IL1RAPL1: variants seen among roughly 807,000 people sequenced by gnomAD.
IL1RAPL1 encodes the protein interleukin-1 receptor accessory protein-like 1.
In IL1RAPL1, 3 loss-of-function variants were observed where a neutral mutation model predicts 48.4. That is an observed-to-expected ratio of 0.06 (90% CI 0.03 to 0.16). IL1RAPL1 has a LOEUF of 0.16. IL1RAPL1 is among the 10% of genes least tolerant of loss of function. IL1RAPL1 has a pLI of 1.00. For synonymous variants in IL1RAPL1, 185 were observed against 187.7 expected (o/e 0.99, Z 0.12); for missense variants, 349 against 530.6 (o/e 0.66, Z 3.36).
intron 6 of IL1RAPL1, among the ~76,000 whole-genome samples, chrX:29,797,037 T>C: frequency 8.9e-6 from 1 of 112,873 alleles, no homozygotes; most frequent in Non-Finnish European, 1.9e-5. Context: ...TTTTCTTAAG[T>C]AGCTCAGCAA....
Position 29,723,349 on chromosome X carries a change from A to G in IL1RAPL1, c.778+54845A>G, listed in dbSNP as rs186578614. On this transcript the variant is annotated intron_variant, in intron 6 of 10. Coordinates refer to ENST00000378993, the MANE Select transcript of IL1RAPL1 (RefSeq NM_014271.4). ...CTGCAACCTGTGCCTCCCGGGCTCA[A>G]GTGATTCTCGTGCCTCAGCCTCCCA... 1.6e-3 allele frequency among the ~76,000 whole-genome samples: 180 copies of G among 112,209 alleles called. 2 individuals carry two copies. Among genetic ancestry groups the G allele is most frequent in the African/African-American group, 5.5e-3 (171 of 30,889 alleles).
intron 5 of IL1RAPL1, among the ~76,000 whole-genome samples, chrX:29,452,000 TGTC>T (rs1281388811): frequency 1.2e-4 from 13 of 111,230 alleles, no homozygotes; most frequent in Admixed American, 2.9e-4. Flanking sequence ...AAGAAACACT[TGTC>T]GTGGAAAAAG....
At chrX:29,133,003 CTT>C (rs1483073778) in intron 2 of IL1RAPL1, among the ~76,000 whole-genome samples, 2 of 111,222 alleles carry the variant, frequency 1.8e-5, no homozygotes, top group Non-Finnish European at 3.8e-5. Flanking sequence ...TCAGTTGTCT[CTT>C]TCTTTCATGC....
intron 2 of IL1RAPL1, among the ~76,000 whole-genome samples, chrX:29,007,563 G>GT (rs1009091583): frequency 8.9e-6 from 1 of 111,764 alleles, no homozygotes; most frequent in Non-Finnish European, 1.9e-5. Flanking sequence ...CATGAGTTCA[G>GT]TTTTTTGGAA....
intron 5 of IL1RAPL1, among the ~76,000 whole-genome samples, chrX:29,406,389 A>C (rs969343237): frequency 6.3e-5 from 3 of 47,600 alleles, no homozygotes; most frequent in Non-Finnish European, 1.8e-4. Flanking sequence ...ACTCTGTCTC[A>C]AAAAAAAAAA....
At chrX:29,130,418 C>T (rs772220960) in intron 2 of IL1RAPL1, among the ~76,000 whole-genome samples, 23 of 112,010 alleles carry the variant, frequency 2.1e-4, no homozygotes, top group Non-Finnish European at 3.8e-4. Context: ...TAAGTCAAGA[C>T]ATTTTAACTT....
At chrX:29,340,454 T>C (rs937447065) in intron 3 of IL1RAPL1, among the ~76,000 whole-genome samples, 1 of 112,400 alleles carries the variant, frequency 8.9e-6, no homozygotes, top group Admixed American at 9.5e-5. Flanking sequence ...ACTTTTTGTG[T>C]CTGGCTTCTT....
intron 2 of IL1RAPL1, among the ~76,000 whole-genome samples, chrX:29,045,931 C>CT (rs1292943661): frequency 6.4e-5 from 3 of 46,937 alleles, no homozygotes; most frequent in African/African-American, 5.5e-4. Flanking sequence ...CCTCCTCCTC[C>CT]TCCTCCTTCT....
chrX:29,609,612 G>A (rs1924027945), intron 5 of IL1RAPL1, among the ~76,000 whole-genome samples: 3 of 112,280 alleles, frequency 2.7e-5, no homozygotes, highest in Admixed American at 9.5e-5. Flanking sequence ...GGCTTTTAGT[G>A]TAAACCAGTT....
rs757136241 is a variant in IL1RAPL1 at position 29,884,333 on chromosome X, C to G, written c.779-33131C>G. Among the ~76,000 whole-genome samples, 8 of 110,897 alleles carry G rather than the reference C, an allele frequency of 7.2e-5. No individual in the cohort carries two copies. In the East Asian group the frequency reaches 2.0e-3, roughly 28 times the overall value. The stretch of plus-strand genomic sequence containing the variant: ...GGTGTTCAATTTAATAGTTAATGTG[C>G]CATCCTCATCTTACTTGCCCCGAGA... On this transcript the variant is annotated intron_variant, in intron 6 of 10. Coordinates refer to ENST00000378993, the MANE Select transcript of IL1RAPL1 (RefSeq NM_014271.4).
intron 2 of IL1RAPL1, among the ~76,000 whole-genome samples, chrX:28,979,230 A>G (rs1304321477): frequency 1.8e-5 from 2 of 112,069 alleles, no homozygotes; most frequent in Middle Eastern, 4.6e-3. Context: ...ATCTTCAGGT[A>G]GTGAGGGAAT....
At chrX:29,635,806 A>C (rs956246151) in intron 5 of IL1RAPL1, among the ~76,000 whole-genome samples, 2 of 109,981 alleles carry the variant, frequency 1.8e-5, no homozygotes, top group African/African-American at 6.6e-5. Context: ...AAAAAAAAAA[A>C]AACCCAAAAA....
intron 6 of IL1RAPL1, among the ~76,000 whole-genome samples, chrX:29,741,766 C>A (rs1486070811): frequency 1.9e-5 from 2 of 107,353 alleles, no homozygotes; most frequent in African/African-American, 3.4e-5. Context: ...ACTAAAAATA[C>A]AAAAATTAGC....
intron 2 of IL1RAPL1, among the ~76,000 whole-genome samples, chrX:28,837,682 CTTTTTTTTT>C (rs58666924): frequency 1.6e-4 from 6 of 37,249 alleles, no homozygotes; most frequent in Middle Eastern, 0.018. Context: ...CATTCCACTT[CTTTTTTTTT>C]TTTTTTTTTT....
intron 2 of IL1RAPL1, among the ~76,000 whole-genome samples, chrX:29,173,704 A>G (rs1929951985): frequency 8.9e-6 from 1 of 111,805 alleles, no homozygotes; most frequent in Non-Finnish European, 1.9e-5. Flanking sequence ...TGCTACTTCC[A>G]TAGAGTAAGA....
At chrX:29,128,248 A>G (rs961407150) in intron 2 of IL1RAPL1, among the ~76,000 whole-genome samples, 9 of 111,316 alleles carry the variant, frequency 8.1e-5, no homozygotes, top group African/African-American at 2.9e-4. Flanking sequence ...CTCTTAAAGC[A>G]TGACCCAATA....
intron 5 of IL1RAPL1, among the ~76,000 whole-genome samples, chrX:29,461,438 A>T (rs1934801483): frequency 8.9e-6 from 1 of 111,863 alleles, no homozygotes; most frequent in Non-Finnish European, 1.9e-5. Context: ...CACTATATAC[A>T]TATATAACTA....
intron 6 of IL1RAPL1, among the ~76,000 whole-genome samples, chrX:29,905,218 T>G (rs1307507072): frequency 1.1e-5 from 1 of 90,904 alleles, no homozygotes; most frequent in African/African-American, 4.5e-5. Flanking sequence ...TTGATGGGGT[T>G]TTTTTTTTCT....
chrX:29,560,777 C>T (rs1922167401), intron 5 of IL1RAPL1, among the ~76,000 whole-genome samples: 1 of 111,569 alleles, frequency 9.0e-6, no homozygotes, highest in South Asian at 3.7e-4. Context: ...TGTTCATTTG[C>T]CTATCTGTGT....
Sources: gnomAD v4.1 joint callset for allele counts (sites outside exome capture counted in the v4.1 genomes callset) on GRCh38, gnomAD v4.1.1 for gene constraint, MANE v1.5 for transcripts, NCBI Gene and HGNC (gene_info 2026-07-23, HGNC 2026-07-21) for gene names.